Variants in LY86 observed in about 807,000 individuals in gnomAD.
The protein encoded by LY86 is lymphocyte antigen 86.
A neutral mutation model predicts 17.3 loss-of-function variants in LY86; 20 were observed. The observed-to-expected ratio is 1.15, with a 90% CI of 0.81 to 1.68. The LOEUF is 1.68. LY86 is among the 40% of genes most tolerant of loss of function. The pLI, the probability that LY86 is intolerant of heterozygous loss-of-function variation, is 0.00. For missense variants in LY86, 200 were observed against 191.9 expected (o/e 1.04, Z -0.25); for synonymous variants, 74 against 70.6 (o/e 1.05, Z -0.24).
intron 1 of LY86, among the ~76,000 whole-genome samples, chr6:6,610,546 G>A (rs188235670): frequency 2.0e-5 from 3 of 152,132 alleles, no homozygotes; most frequent in Admixed American, 6.5e-5. Flanking sequence ...GAAGCTTAGG[G>A]GGGGGCAAGG....
At position 6,594,690 on chromosome 6, in the gene LY86, G is replaced by A. The variant is rs73365320; in HGVS notation, c.136+5820G>A. ...ATGGTAAACCCACCATGATTGCAAG[G>A]TATTTATAAGATCCTTTTCAGAGAA... On this transcript the variant is annotated intron_variant, in intron 1 of 4. Coordinates refer to ENST00000230568, the MANE Select transcript of LY86 (RefSeq NM_004271.4). Among the ~76,000 whole-genome samples the A allele has an allele frequency of 2.4e-3, 368 of 152,258 alleles. 1 individual carries two copies. The highest frequency in any genetic ancestry group is 8.5e-3 in the African/African-American group (352 of 41,540).
At chr6:6,649,160 C>T (rs1026037477) in intron 3 of LY86, among the ~76,000 whole-genome samples, 30 of 152,196 alleles carry the variant, frequency 2.0e-4, no homozygotes, top group Admixed American at 5.9e-4. Flanking sequence ...GGCAAGAGGG[C>T]GTGTGCAGGG....
chr6:6,645,993 C>T (rs193069149), intron 3 of LY86, among the ~76,000 whole-genome samples: 210 of 152,142 alleles, frequency 1.4e-3, no homozygotes, highest in African/African-American at 4.7e-3. Flanking sequence ...TGGCTTGGGT[C>T]AGAGAGTATC....
intron 3 of LY86, among the ~76,000 whole-genome samples, chr6:6,628,594 C>A (rs779950087): frequency 6.6e-6 from 1 of 152,080 alleles, no homozygotes; most frequent in Non-Finnish European, 1.5e-5. Flanking sequence ...CTAGCCCCAA[C>A]AGATGAAGTG....
chr6:6,616,011 C>T (rs1018572371), intron 1 of LY86, among the ~76,000 whole-genome samples: 1 of 152,188 alleles, frequency 6.6e-6, no homozygotes, highest in Non-Finnish European at 1.5e-5. Flanking sequence ...TATCTTCTTT[C>T]TAATAGACTC....
chr6:6,597,436 G>A (rs771488990), intron 1 of LY86, among the ~76,000 whole-genome samples: 13 of 152,158 alleles, frequency 8.5e-5, no homozygotes, highest in Admixed American at 5.2e-4. Context: ...TGAACAAGGC[G>A]GGGTTTTCAC....
intron 1 of LY86, among the ~76,000 whole-genome samples, chr6:6,612,515 G>A (rs1032088362): frequency 4.4e-5 from 6 of 136,014 alleles, no homozygotes; most frequent in Non-Finnish European, 6.2e-5. Context: ...ACTGCAAAAA[G>A]CAAAAGAACA....
Position 6,613,763 on chromosome 6 carries a change from C to T in LY86, c.137-11163C>T, listed in dbSNP as rs372211587. On this transcript the variant is annotated intron_variant, in intron 1 of 4. Coordinates refer to ENST00000230568, the MANE Select transcript of LY86 (RefSeq NM_004271.4). ...GTGGGCGCCAAGGCCGAGGAGGCCCCAAGAGCGAGCGAGGGCTGCCAGCAT... is the reference window on the plus strand; with the variant it reads ...GTGGGCGCCAAGGCCGAGGAGGCCCTAAGAGCGAGCGAGGGCTGCCAGCAT... 3.9e-3 allele frequency among the ~76,000 whole-genome samples: 601 copies of T among 152,328 alleles called. 5 individuals are homozygous for T. Among genetic ancestry groups the T allele is most frequent in the African/African-American group, 0.014 (569 of 41,578 alleles).
chr6:6,640,451 G>A (rs1762023595), intron 3 of LY86, among the ~76,000 whole-genome samples: 1 of 152,050 alleles, frequency 6.6e-6, no homozygotes, highest in South Asian at 2.1e-4. Context: ...TGGGTGCAGT[G>A]GCTATGCCTC....
chr6:6,612,206 C>T (rs906650983), intron 1 of LY86, among the ~76,000 whole-genome samples: 2 of 152,182 alleles, frequency 1.3e-5, no homozygotes, highest in Non-Finnish European at 2.9e-5. Flanking sequence ...AAGCCACAGA[C>T]CCTCACAGTT....
Position 6,654,719 on chromosome 6 carries a change from A to G in LY86, c.*92A>G. 9.0e-7 allele frequency: 1 copy of G among 1,110,422 alleles called. No individual in the cohort carries two copies. 68.8% of individuals were successfully genotyped at this position (1,110,422 alleles called of 1,614,324 possible). ...CCTACTGTGGGAGGAGAAGCAGCTG[A>G]TGACAGAGAGAGGCTCTACAAAGAA... On this transcript the variant is annotated 3_prime_UTR_variant, in exon 5 of 5. Coordinates refer to ENST00000230568, the MANE Select transcript of LY86 (RefSeq NM_004271.4).
Position 6,654,767 on chromosome 6 carries a change from C to T in LY86, c.*140C>T, listed in dbSNP as rs545039622. Reference sequence around the variant, plus strand: ...GAAGCGCCCCCAAAGAGTGCAGCTGCTAATTTTAGTCCCAGGACCAGACAT... The same window carrying T: ...GAAGCGCCCCCAAAGAGTGCAGCTGTTAATTTTAGTCCCAGGACCAGACAT... On this transcript the variant is annotated 3_prime_UTR_variant, in exon 5 of 5. Transcript: ENST00000230568. 19 of 659,854 alleles carry T rather than the reference C, an allele frequency of 2.9e-5. No homozygotes were observed. The highest frequency in any genetic ancestry group is 2.1e-4 in the South Asian group (11 of 51,948). 40.9% of individuals were successfully genotyped at this position (659,854 alleles called of 1,614,324 possible).
intron 3 of LY86, among the ~76,000 whole-genome samples, chr6:6,627,196 G>T (rs1761805161): frequency 6.6e-6 from 1 of 152,150 alleles, no homozygotes. Flanking sequence ...GGCCAAGGCA[G>T]GGCATACCCC....
intron 1 of LY86, among the ~76,000 whole-genome samples, chr6:6,602,682 A>G (rs1760947346): frequency 6.6e-6 from 1 of 152,088 alleles, no homozygotes; most frequent in Non-Finnish European, 1.5e-5. Context: ...GACCCTGGGG[A>G]GCCCTTGTGA....
chr6:6,597,258 AG>A (rs1378883472), intron 1 of LY86, among the ~76,000 whole-genome samples: 1 of 152,210 alleles, frequency 6.6e-6, no homozygotes, highest in African/African-American at 2.4e-5. Flanking sequence ...TCCCAGCTCC[AG>A]TAGTGCAGCC....
intron 3 of LY86, among the ~76,000 whole-genome samples, chr6:6,640,965 T>G (rs1762031979): frequency 6.6e-6 from 1 of 152,316 alleles, no homozygotes; most frequent in African/African-American, 2.4e-5. Context: ...GGGAGAGATA[T>G]CAAAGTAGAG....
chr6:6,653,006 C>T (rs973766030), intron 4 of LY86, among the ~76,000 whole-genome samples: 5 of 152,238 alleles, frequency 3.3e-5, no homozygotes, highest in African/African-American at 7.2e-5. Flanking sequence ...AAATTTGAGC[C>T]GGTCTTTACT....
At chr6:6,601,414 T>C (rs978865007) in intron 1 of LY86, among the ~76,000 whole-genome samples, 2 of 152,056 alleles carry the variant, frequency 1.3e-5, no homozygotes, top group African/African-American at 4.8e-5. Flanking sequence ...CAATATACAA[T>C]AGAAAGCAGT....
At chr6:6,619,809 T>C (rs1436978741) in intron 1 of LY86, among the ~76,000 whole-genome samples, 1 of 150,612 alleles carries the variant, frequency 6.6e-6, no homozygotes, top group Non-Finnish European at 1.5e-5. Context: ...AGTACTGGTA[T>C]GAGAAGAAAA....
Sources: allele counts gnomAD v4.1 joint callset (sites outside exome capture counted in the v4.1 genomes callset), GRCh38; gene constraint gnomAD v4.1.1; transcripts MANE v1.5; gene names NCBI Gene and HGNC (gene_info 2026-07-23, HGNC 2026-07-21).